GRIA3: variants seen among roughly 807,000 people sequenced by gnomAD.
The protein encoded by GRIA3 is glutamate receptor 3.
A neutral mutation model predicts 63.0 loss-of-function variants in GRIA3; 3 were observed. The observed-to-expected ratio is 0.05, with a 90% confidence interval of 0.02 to 0.12. The LOEUF is 0.12. Among genes scored for constraint, GRIA3 ranks in the 10% least tolerant of loss-of-function variants. The pLI is 1.00. For missense variants in GRIA3, 347 were observed against 700.9 expected (o/e 0.50, Z 5.70); for synonymous variants, 274 against 257.9 (o/e 1.06, Z -0.60).
intron 13 of GRIA3, among the ~76,000 whole-genome samples, chrX:123,470,459 T>C (rs889254138): frequency 8.9e-6 from 1 of 111,982 alleles, no homozygotes; most frequent in Non-Finnish European, 1.9e-5. Flanking sequence ...GCTCTTAAGG[T>C]ACCTAAAAAG....
chrX:123,407,423 T>C (rs1246488578), intron 10 of GRIA3, among the ~76,000 whole-genome samples: 1 of 111,001 alleles, frequency 9.0e-6, no homozygotes, highest in Non-Finnish European at 1.9e-5. Flanking sequence ...CAACAGGAAT[T>C]TGTTTTTCAC....
chrX:123,280,151 G>T (rs2044577309), intron 3 of GRIA3, among the ~76,000 whole-genome samples: 1 of 111,576 alleles, frequency 9.0e-6, no homozygotes, highest in South Asian at 3.8e-4. Flanking sequence ...GAATATCATA[G>T]CTCCAAATAG....
intron 2 of GRIA3, among the ~76,000 whole-genome samples, chrX:123,188,464 C>G (rs1413014811): frequency 1.8e-5 from 2 of 111,152 alleles, no homozygotes; most frequent in Non-Finnish European, 3.8e-5. Flanking sequence ...ATATTTCCAA[C>G]TGGGTTGAAA....
intron 4 of GRIA3, among the ~76,000 whole-genome samples, chrX:123,345,249 C>T (rs1217525036): frequency 9.0e-6 from 1 of 111,153 alleles, no homozygotes; most frequent in Non-Finnish European, 1.9e-5. Context: ...CAGCCCAAGA[C>T]GCCTAGGCAA....
chrX:123,448,006 A>G (rs1412990477), intron 12 of GRIA3, among the ~76,000 whole-genome samples: 2 of 112,292 alleles, frequency 1.8e-5, no homozygotes, highest in African/African-American at 6.5e-5. Flanking sequence ...AAACAACTTA[A>G]TGTAGCAACT....
rs761771507 is a variant in GRIA3, at chrX:123,407,695, G to GGA, written c.1500+2782_1500+2783insAG. On this transcript the variant is annotated intron_variant, in intron 10 of 15. Coordinates refer to ENST00000620443, the MANE Select transcript of GRIA3 (RefSeq NM_007325.5). ...TTTCAACATATGACTTGGTTGCGGG[G>GGA]GGGGGGGGGACGTGGGGACACAAAT... is the stretch of plus-strand genomic sequence containing the variant. Among the ~76,000 whole-genome samples, 12 of 81,941 alleles carry GGA rather than the reference G, an allele frequency of 1.5e-4. 1 individual carries two copies. The highest frequency in any genetic ancestry group is 3.8e-4 in the African/African-American group (7 of 18,306). The allele number at this position is 81,941 out of a possible 115,157, so 71.2% of individuals were successfully genotyped here.
chrX:123,395,165 G>T (rs2045407085), intron 6 of GRIA3, 36 bp downstream of exon 6: 1 of 1,094,802 alleles, frequency 9.1e-7, no homozygotes, highest in African/African-American at 1.8e-5. Flanking sequence ...CCTAAGGCCA[G>T]CTTTTCAAAG....
At chrX:123,370,960 T>A (rs1223920445) in intron 5 of GRIA3, among the ~76,000 whole-genome samples, 1 of 110,805 alleles carries the variant, frequency 9.0e-6, no homozygotes, top group Admixed American at 9.7e-5. Context: ...AGTCACCTTG[T>A]CGTGTAATCA....
intron 2 of GRIA3, among the ~76,000 whole-genome samples, chrX:123,200,885 T>C (rs961192167): frequency 8.9e-6 from 1 of 111,785 alleles, no homozygotes; most frequent in South Asian, 3.8e-4. Context: ...ACATGTTATA[T>C]AACTCAACAG....
chrX:123,429,699 G>A (rs768881170), intron 12 of GRIA3, among the ~76,000 whole-genome samples: 5 of 111,863 alleles, frequency 4.5e-5, no homozygotes, highest in South Asian at 3.7e-4. Flanking sequence ...TAGGCATGAA[G>A]TTTCTATATG....
intron 4 of GRIA3, among the ~76,000 whole-genome samples, chrX:123,329,163 C>T (rs887211507): frequency 8.9e-6 from 1 of 111,751 alleles, no homozygotes; most frequent in African/African-American, 3.2e-5. Flanking sequence ...TGGAAGGAAA[C>T]TTCTACAGTC....
intron 5 of GRIA3, among the ~76,000 whole-genome samples, chrX:123,383,399 T>A (rs757614365): frequency 9.0e-6 from 1 of 111,685 alleles, no homozygotes; most frequent in Non-Finnish European, 1.9e-5. Context: ...TAACTGTATG[T>A]TTATACTCAT....
At chrX:123,418,307 C>T (rs1469389446) in intron 11 of GRIA3, among the ~76,000 whole-genome samples, 1 of 111,648 alleles carries the variant, frequency 9.0e-6, no homozygotes, top group East Asian at 2.8e-4. Flanking sequence ...AACTATAAAA[C>T]TTCTCAAAGA....
chrX:123,233,153 T>C (rs180902494), intron 2 of GRIA3, among the ~76,000 whole-genome samples: 1 of 111,341 alleles, frequency 9.0e-6, no homozygotes, highest in Admixed American at 9.5e-5. Flanking sequence ...CCAAGGTCTC[T>C]ATCCCTCAGC....
intron 3 of GRIA3, among the ~76,000 whole-genome samples, chrX:123,300,622 TTTTGTTTGTTTG>T (rs57768786): frequency 2.8e-5 from 3 of 106,657 alleles, no homozygotes; most frequent in South Asian, 4.2e-4. Context: ...TTTAATGGTT[TTTTGTTTGTTTG>T]TTTGTTTGTT....
intron 2 of GRIA3, among the ~76,000 whole-genome samples, chrX:123,216,561 G>A (rs1325543335): frequency 2.7e-5 from 3 of 111,446 alleles, no homozygotes; most frequent in Admixed American, 9.5e-5. Context: ...CAGAGATGGA[G>A]GGAAGGGAGA....
intron 10 of GRIA3, among the ~76,000 whole-genome samples, chrX:123,416,874 G>A (rs1291010300): frequency 1.8e-5 from 2 of 112,342 alleles, no homozygotes; most frequent in Middle Eastern, 4.6e-3. Flanking sequence ...TAAAAGATAT[G>A]CTTTCAAAAA....
intron 12 of GRIA3, among the ~76,000 whole-genome samples, chrX:123,451,905 C>T (rs1237012675): frequency 9.0e-6 from 1 of 111,528 alleles, no homozygotes; most frequent in African/African-American, 3.3e-5. Flanking sequence ...GAGGTCAGAG[C>T]TAAAAATTTA....
At chrX:123,440,222 G>A (rs2045666435) in intron 12 of GRIA3, among the ~76,000 whole-genome samples, 1 of 112,121 alleles carries the variant, frequency 8.9e-6, no homozygotes, top group Admixed American at 9.4e-5. Context: ...TTGATTCCAT[G>A]CCTTTGCTAT....
Sources: gnomAD v4.1 joint callset for allele counts (sites outside exome capture counted in the v4.1 genomes callset) on GRCh38, gnomAD v4.1.1 for gene constraint, MANE v1.5 for transcripts, NCBI Gene and HGNC (gene_info 2026-07-23, HGNC 2026-07-21) for gene names.